ELK3: variants seen among roughly 807,000 people sequenced by gnomAD.
ELK3 encodes the protein ETS transcription factor ELK3.
Under a neutral mutation model 28.9 loss-of-function variants are expected in ELK3, and 10 were observed. The ratio of observed to expected loss-of-function variants is 0.35; its 90% CI spans 0.21 to 0.59. The LOEUF is 0.59. ELK3 is among the 20% of genes least tolerant of loss of function. The pLI, the probability that ELK3 is intolerant of heterozygous loss-of-function variation, is 0.82. For missense variants in ELK3, 463 were observed against 517.3 expected, an observed-to-expected ratio of 0.90 and a Z score of 1.02; for synonymous variants, 272 against 243.5, an observed-to-expected ratio of 1.12 and a Z score of -1.09.
At chr12:96,251,463 G>A (rs371150537) in intron 3 of ELK3, among the ~76,000 whole-genome samples, 9 of 152,270 alleles carry the variant, frequency 5.9e-5, no homozygotes, top group Non-Finnish European at 1.0e-4. Flanking sequence ...GAAGAGCTGC[G>A]CATCTCTCAT....
chr12:96,250,724 T>G (rs1316358232), intron 3 of ELK3, among the ~76,000 whole-genome samples: 2 of 152,168 alleles, frequency 1.3e-5, no homozygotes, highest in South Asian at 2.1e-4. Context: ...TCTCTGTGTG[T>G]GGGGGGTGTG....
chr12:96,209,409 A>G (rs1392390000), intron 1 of ELK3, among the ~76,000 whole-genome samples: 1 of 152,196 alleles, frequency 6.6e-6, no homozygotes, highest in East Asian at 1.9e-4. Context: ...GAGTTGGAGG[A>G]TGCTCTGGCA....
intron 1 of ELK3, among the ~76,000 whole-genome samples, chr12:96,221,655 A>G (rs1951662928): frequency 6.6e-6 from 1 of 152,192 alleles, no homozygotes; most frequent in African/African-American, 2.4e-5. Flanking sequence ...AAGTCATCAG[A>G]AGGGTGGTTC....
chr12:96,253,405 C>G (rs749160449), intron 3 of ELK3, among the ~76,000 whole-genome samples: 1 of 152,246 alleles, frequency 6.6e-6, no homozygotes, highest in Non-Finnish European at 1.5e-5. Flanking sequence ...CCTCCCCTGT[C>G]CCTTTCTGTA....
intron 1 of ELK3, among the ~76,000 whole-genome samples, chr12:96,208,000 C>T (rs1006899540): frequency 2.6e-5 from 4 of 152,100 alleles, no homozygotes; most frequent in Non-Finnish European, 4.4e-5. Context: ...ATTTACTCTA[C>T]GAAGGGAGAA....
chr12:96,225,264 A>G (rs1441171911), intron 2 of ELK3, among the ~76,000 whole-genome samples: 3 of 152,216 alleles, frequency 2.0e-5, no homozygotes, highest in South Asian at 2.1e-4. Flanking sequence ...CAATCAAGGT[A>G]TCAAAAAAAG....
At chr12:96,229,447 G>C (rs571167336) in intron 2 of ELK3, among the ~76,000 whole-genome samples, 1 of 151,614 alleles carries the variant, frequency 6.6e-6, no homozygotes, top group African/African-American at 2.4e-5. Context: ...GCGTGCCTTG[G>C]CTTGCAGCAG....
intron 2 of ELK3, among the ~76,000 whole-genome samples, chr12:96,225,357 T>G (rs770904496): frequency 1.5e-4 from 23 of 152,244 alleles, no homozygotes; most frequent in Non-Finnish European, 3.1e-4. Context: ...CTCTTTAGCA[T>G]GAAGGGTTGT....
At chr12:96,230,431 C>T (rs1951732511) in intron 2 of ELK3, among the ~76,000 whole-genome samples, 1 of 152,070 alleles carries the variant, frequency 6.6e-6, no homozygotes, top group Admixed American at 6.5e-5. Context: ...GTTGGTTTCC[C>T]TCTATAAGTG....
At chr12:96,235,176 C>T (rs1413953844) in intron 2 of ELK3, among the ~76,000 whole-genome samples, 7 of 151,806 alleles carry the variant, frequency 4.6e-5, no homozygotes, top group Admixed American at 4.6e-4. Flanking sequence ...CTCACCCCAA[C>T]CCAACTGCCT....
At chr12:96,239,773 C>T (rs914042631) in intron 2 of ELK3, among the ~76,000 whole-genome samples, 1 of 152,218 alleles carries the variant, frequency 6.6e-6, no homozygotes, top group Admixed American at 6.5e-5. Flanking sequence ...GGCCTGAGCC[C>T]AAGCAGACGC....
intron 2 of ELK3, among the ~76,000 whole-genome samples, chr12:96,226,498 A>G (rs1951700802): frequency 8.2e-6 from 1 of 121,608 alleles, no homozygotes; most frequent in African/African-American, 3.2e-5. Context: ...AGAGATGTCC[A>G]CATGTGCACA....
intron 1 of ELK3, among the ~76,000 whole-genome samples, chr12:96,211,932 A>G (rs1276046383): frequency 3.3e-5 from 5 of 152,180 alleles, no homozygotes; most frequent in Non-Finnish European, 5.9e-5. Context: ...TTCTGATCCA[A>G]ATGACTACTG....
intron 1 of ELK3, among the ~76,000 whole-genome samples, chr12:96,205,175 C>T (rs375532317): frequency 1.1e-4 from 16 of 152,296 alleles, no homozygotes; most frequent in South Asian, 2.1e-4. Context: ...TGTTTCACAA[C>T]GAGAAGTCAG....
chr12:96,221,455 C>G lies in ELK3; in HGVS notation c.-2-2110C>G, dbSNP rs548953206. Among the ~76,000 whole-genome samples, 4 of 152,328 alleles carry G rather than the reference C, an allele frequency of 2.6e-5. No individual in the cohort carries two copies. In the East Asian group the frequency reaches 7.7e-4, roughly 29 times the overall value. On this transcript the variant is annotated intron_variant, in intron 1 of 4. Coordinates refer to ENST00000228741, the MANE Select transcript of ELK3 (RefSeq NM_005230.4). ...GAGCAGAGGCCCCACAGTCCCTTCCCTGCAGACCTCCAAACCCACCGGCAG... is the reference window on the plus strand; with the variant it reads ...GAGCAGAGGCCCCACAGTCCCTTCCGTGCAGACCTCCAAACCCACCGGCAG...
intron 2 of ELK3, among the ~76,000 whole-genome samples, chr12:96,238,708 G>T (rs578226991): frequency 1.3e-5 from 2 of 152,338 alleles, no homozygotes; most frequent in East Asian, 3.9e-4. Context: ...TCTCTACCCT[G>T]TGGATTGGCA....
At chr12:96,245,323 C>T (rs1951848300) in intron 2 of ELK3, among the ~76,000 whole-genome samples, 1 of 152,156 alleles carries the variant, frequency 6.6e-6, no homozygotes, top group African/African-American at 2.4e-5. Context: ...TCTTTGATTT[C>T]TCTCCCCCTA....
intron 2 of ELK3, among the ~76,000 whole-genome samples, chr12:96,225,682 G>C (rs1477582910): frequency 1.3e-5 from 2 of 152,216 alleles, no homozygotes; most frequent in Non-Finnish European, 2.9e-5. Flanking sequence ...GCAGAGCCCG[G>C]ATTTGAACCC....
intron 1 of ELK3, among the ~76,000 whole-genome samples, chr12:96,209,022 C>G (rs556939115): frequency 6.6e-6 from 1 of 152,338 alleles, no homozygotes; most frequent in Non-Finnish European, 1.5e-5. Flanking sequence ...GGTGATGTCA[C>G]AGCCCACACC....
Sources: gnomAD v4.1 joint callset for allele counts (sites outside exome capture counted in the v4.1 genomes callset) on GRCh38, gnomAD v4.1.1 for gene constraint, MANE v1.5 for transcripts, NCBI Gene and HGNC (gene_info 2026-07-23, HGNC 2026-07-21) for gene names.